The following TENM2 variants were observed in gnomAD, a reference collection of about 807,000 sequenced individuals.
TENM2 encodes the protein teneurin-2.
TENM2 carries 52 observed loss-of-function variants against 245.2 expected under a neutral mutation model. That is an observed-to-expected ratio of 0.21 (90% CI 0.17 to 0.27). The LOEUF (loss-of-function observed/expected upper bound fraction) is 0.27, where lower values mean the gene tolerates loss of function less well. Ranked by LOEUF, TENM2 falls within the 10% of genes least tolerant of loss-of-function variation. The pLI is 1.00. For synonymous variants in TENM2, 1,363 were observed against 1,438.9 expected (o/e 0.95, Z 1.19); for missense variants, 3,046 against 3,666.8 (o/e 0.83, Z 4.37).
At chr5:168,104,565 T>G (rs1312155941) in intron 9 of TENM2, among the ~76,000 whole-genome samples, 4 of 152,148 alleles carry the variant, frequency 2.6e-5, no homozygotes, top group Admixed American at 2.6e-4. Context: ...TGTGTCCAAG[T>G]GACAGAAATG....
At chr5:168,004,700 T>A (rs1334013019) in intron 5 of TENM2, among the ~76,000 whole-genome samples, 4 of 152,186 alleles carry the variant, frequency 2.6e-5, no homozygotes, top group Admixed American at 2.6e-4. Flanking sequence ...AAAGATTTAA[T>A]CTTTCACAGT....
chr5:167,532,721 TAC>T (rs1209677874), intron 2 of TENM2, among the ~76,000 whole-genome samples: 1 of 151,340 alleles, frequency 6.6e-6, no homozygotes, highest in Non-Finnish European at 1.5e-5. Context: ...TATGTATATA[TAC>T]ACACACATAT....
intron 2 of TENM2, among the ~76,000 whole-genome samples, chr5:167,463,368 G>T (rs539164100): frequency 2.6e-5 from 4 of 152,146 alleles, no homozygotes; most frequent in Non-Finnish European, 4.4e-5. Flanking sequence ...TGTGACCATT[G>T]TCAGTTGGCT....
chr5:167,170,519 T>G, the TENM2 span, among the ~76,000 whole-genome samples: 2 of 152,204 alleles, frequency 1.3e-5, no homozygotes, highest in Non-Finnish European at 2.9e-5. Context: ...TTGCCAAATT[T>G]GCATGGCATG....
intron 2 of TENM2, among the ~76,000 whole-genome samples, chr5:167,399,294 C>T (rs1762239808): frequency 6.6e-6 from 1 of 152,092 alleles, no homozygotes; most frequent in South Asian, 2.1e-4. Context: ...GGGATCAAAG[C>T]CAATAATAAG....
chr5:167,319,790 CT>C (rs1013735025), intron 1 of TENM2, among the ~76,000 whole-genome samples: 4 of 152,226 alleles, frequency 2.6e-5, no homozygotes, highest in Non-Finnish European at 4.4e-5. Flanking sequence ...TGTCACCTCA[CT>C]TTATATTCAA....
At chr5:167,148,288 T>A in the TENM2 span, among the ~76,000 whole-genome samples, 1 of 152,194 alleles carries the variant, frequency 6.6e-6, no homozygotes, top group Non-Finnish European at 1.5e-5. Flanking sequence ...TGTGCATACT[T>A]TTTCCCCTAT....
intron 2 of TENM2, among the ~76,000 whole-genome samples, chr5:167,831,393 G>A (rs78339194): frequency 0.013 from 2,042 of 151,938 alleles, 43 homozygotes; most frequent in Non-Finnish European, 0.017. Context: ...AGGTCTTATA[G>A]GGCCCATGTT....
chr5:167,330,561 A>G (rs1026825134), intron 1 of TENM2, among the ~76,000 whole-genome samples: 2 of 152,106 alleles, frequency 1.3e-5, no homozygotes, highest in African/African-American at 4.8e-5. Context: ...CACAGCTTCA[A>G]GCAGAGACTG....
chr5:168,002,487 C>T (rs1784485345), intron 5 of TENM2, among the ~76,000 whole-genome samples: 1 of 152,234 alleles, frequency 6.6e-6, no homozygotes, highest in African/African-American at 2.4e-5. Context: ...TTCTGTTCTT[C>T]AGGCCGTGAT....
At chr5:167,531,688 T>A (rs1052055855) in intron 2 of TENM2, among the ~76,000 whole-genome samples, 1 of 150,308 alleles carries the variant, frequency 6.7e-6, no homozygotes, top group Non-Finnish European at 1.5e-5. Context: ...AAGTTCAATG[T>A]TTTCAGATTC....
At chr5:168,221,345 T>G (rs1763655401) in intron 23 of TENM2, among the ~76,000 whole-genome samples, 1 of 152,178 alleles carries the variant, frequency 6.6e-6, no homozygotes, top group Non-Finnish European at 1.5e-5. Context: ...CCCATTTTAT[T>G]GATAAAGAAA....
chr5:167,247,872 T>TA, the TENM2 span, among the ~76,000 whole-genome samples: 3 of 152,174 alleles, frequency 2.0e-5, no homozygotes, highest in Non-Finnish European at 4.4e-5. Context: ...AATTATTTGA[T>TA]ACGCTTCTAA....
chr5:167,876,696 A>T (rs1773454659), intron 3 of TENM2, among the ~76,000 whole-genome samples: 1 of 152,112 alleles, frequency 6.6e-6, no homozygotes, highest in African/African-American at 2.4e-5. Context: ...TTCCGTTGAC[A>T]TCAGTACTGA....
At chr5:167,572,979 G>C (rs1774375594) in intron 2 of TENM2, among the ~76,000 whole-genome samples, 1 of 151,834 alleles carries the variant, frequency 6.6e-6, no homozygotes, top group African/African-American at 2.4e-5. Context: ...CTTTTATTTT[G>C]CCTTTATTAA....
At chr5:168,177,997 G>T (rs1349743267) in intron 13 of TENM2, among the ~76,000 whole-genome samples, 1 of 152,192 alleles carries the variant, frequency 6.6e-6, no homozygotes, top group Non-Finnish European at 1.5e-5. Flanking sequence ...GAATAGCCAA[G>T]TCCGGGCCCT....
intron 2 of TENM2, among the ~76,000 whole-genome samples, chr5:167,486,018 A>T (rs1265513362): frequency 6.6e-6 from 1 of 152,174 alleles, no homozygotes; most frequent in Non-Finnish European, 1.5e-5. Flanking sequence ...GTCTAGTAGA[A>T]ATACCTCCCC....
At chr5:167,143,939 A>G in the TENM2 span, among the ~76,000 whole-genome samples, 2 of 152,068 alleles carry the variant, frequency 1.3e-5, no homozygotes, top group Admixed American at 6.6e-5. Context: ...TTATTTTTAA[A>G]AAGAGCCATT....
intron 2 of TENM2, among the ~76,000 whole-genome samples, chr5:167,648,529 G>T (rs1780116382): frequency 6.6e-6 from 1 of 152,140 alleles, no homozygotes. Context: ...TGGACCATAT[G>T]GTCACGTACC....
Sources: allele counts gnomAD v4.1 joint callset (sites outside exome capture counted in the v4.1 genomes callset), GRCh38; gene constraint gnomAD v4.1.1; transcripts MANE v1.5; gene names NCBI Gene and HGNC (gene_info 2026-07-23, HGNC 2026-07-21).